Variants in CNTN4 observed in about 807,000 individuals in gnomAD.
The protein encoded by CNTN4 is contactin 4, also known as contactin-4.
In CNTN4, 77 loss-of-function variants were observed where a neutral mutation model predicts 122.5. The observed-to-expected ratio is 0.63, with a 90% CI of 0.52 to 0.76. The LOEUF is 0.76. Among genes scored for constraint, CNTN4 ranks in the 30% least tolerant of loss-of-function variants. The pLI is 0.00. For missense variants in CNTN4, 1,256 were observed against 1,259.1 expected (o/e 1.00, Z 0.04); for synonymous variants, 512 against 447.0 (o/e 1.15, Z -1.83).
intron 2 of CNTN4, among the ~76,000 whole-genome samples, chr3:2,322,401 C>T (rs1324709414): frequency 6.6e-6 from 1 of 152,050 alleles, no homozygotes; most frequent in Non-Finnish European, 1.5e-5. Flanking sequence ...AACATGGACG[C>T]ACCTTGAAAA....
chr3:2,489,473 A>T (rs1331585548), intron 3 of CNTN4, among the ~76,000 whole-genome samples: 2 of 152,188 alleles, frequency 1.3e-5, no homozygotes, highest in East Asian at 1.9e-4. Flanking sequence ...TCTTTGCCAT[A>T]TTAAACCAGA....
intron 14 of CNTN4, among the ~76,000 whole-genome samples, chr3:2,991,673 T>C (rs958552714): frequency 6.6e-6 from 1 of 152,078 alleles, no homozygotes; most frequent in Non-Finnish European, 1.5e-5. Flanking sequence ...AGAAATATAA[T>C]TTAAAAATCT....
chr3:3,009,980 C>T (rs1470880956), intron 14 of CNTN4, among the ~76,000 whole-genome samples: 1 of 151,066 alleles, frequency 6.6e-6, no homozygotes, highest in Admixed American at 6.6e-5. Flanking sequence ...ATATCTAGTA[C>T]CTAGTCTCAT....
intron 13 of CNTN4, among the ~76,000 whole-genome samples, chr3:2,960,789 A>G (rs1409995279): frequency 6.6e-6 from 1 of 152,116 alleles, no homozygotes; most frequent in Admixed American, 6.5e-5. Context: ...GTGCCTTCCC[A>G]CTTTCACTCT....
chr3:2,720,542 C>T (rs1256373356), intron 4 of CNTN4, among the ~76,000 whole-genome samples: 1 of 152,130 alleles, frequency 6.6e-6, no homozygotes, highest in Non-Finnish European at 1.5e-5. Context: ...CTTTATTACT[C>T]TCCTAGAGGC....
rs146787600 is a variant in CNTN4, at chr3:2,611,881, G to T, written c.55+40323G>T. Among the ~76,000 whole-genome samples the T allele has an allele frequency of 2.2e-3, 342 of 152,102 alleles. 3 individuals are homozygous for T. Among genetic ancestry groups the T allele is most frequent in the Middle Eastern group, 0.014 (4 of 294 alleles). The stretch of plus-strand genomic sequence containing the variant: ...GTTTTTAATCACTTTTTTAAATGTT[G>T]GATGAGTATTTCTTTTGATTGCAAT... On this transcript the variant is annotated intron_variant, in intron 4 of 24. Transcript: ENST00000418658.
At chr3:2,304,411 T>C (rs555333808) in intron 2 of CNTN4, among the ~76,000 whole-genome samples, 1 of 152,266 alleles carries the variant, frequency 6.6e-6, no homozygotes, top group East Asian at 1.9e-4. Context: ...TCTACACCAT[T>C]TACATTCTAT....
At chr3:3,037,423 G>C in intron 18 of CNTN4, 95 bp downstream of exon 18, 1 of 1,525,544 alleles carries the variant, frequency 6.6e-7, no homozygotes, top group Non-Finnish European at 9.1e-7. Context: ...CGCTCATGCG[G>C]CTCTGTGTTA....
intron 2 of CNTN4, among the ~76,000 whole-genome samples, chr3:2,233,436 A>G (rs781672457): frequency 4.6e-5 from 7 of 152,182 alleles, no homozygotes; most frequent in Non-Finnish European, 1.0e-4. Flanking sequence ...TATATTCTGC[A>G]TTCTCCGTTA....
At chr3:2,582,559 G>A (rs539800003) in intron 4 of CNTN4, among the ~76,000 whole-genome samples, 17 of 152,256 alleles carry the variant, frequency 1.1e-4, no homozygotes, top group African/African-American at 4.1e-4. Context: ...TTAGAGAAAA[G>A]GAATAAAGCA....
intron 3 of CNTN4, among the ~76,000 whole-genome samples, chr3:2,437,419 C>T (rs1176651469): frequency 1.4e-4 from 21 of 151,902 alleles, no homozygotes; most frequent in Non-Finnish European, 4.4e-5. Flanking sequence ...TTTTTACTGC[C>T]GTAAATGTGC....
chr3:3,052,626 C>T (rs9848578), intron 23 of CNTN4, among the ~76,000 whole-genome samples: 26,535 of 152,100 alleles, frequency 0.17, 2,622 homozygotes, highest in South Asian at 0.28. Context: ...AATCCAATCA[C>T]AGCAGGCAAT....
chr3:2,935,642 G>A (rs184632621), intron 13 of CNTN4, among the ~76,000 whole-genome samples: 5 of 152,110 alleles, frequency 3.3e-5, no homozygotes, highest in Non-Finnish European at 5.9e-5. Context: ...CATGTGTCAC[G>A]GAAAAGGGAC....
At chr3:2,877,350 A>G (rs550369263) in intron 8 of CNTN4, among the ~76,000 whole-genome samples, 2 of 152,328 alleles carry the variant, frequency 1.3e-5, no homozygotes, top group South Asian at 4.1e-4. Flanking sequence ...ACTTTGATAT[A>G]TGGAATTTCA....
intron 2 of CNTN4, among the ~76,000 whole-genome samples, chr3:2,300,376 G>T (rs2042460359): frequency 6.6e-6 from 1 of 152,036 alleles, no homozygotes; most frequent in Admixed American, 6.6e-5. Context: ...GGGGAGAATT[G>T]TTGGGAAAGC....
intron 2 of CNTN4, among the ~76,000 whole-genome samples, chr3:2,149,242 T>G (rs1341929457): frequency 1.3e-5 from 2 of 152,176 alleles, no homozygotes; most frequent in East Asian, 3.9e-4. Context: ...GTGCAAAGAC[T>G]GCTAATATTG....
Position 2,635,040 on chromosome 3 carries a change from A to G in CNTN4, c.55+63482A>G, listed in dbSNP as rs561747741. On this transcript the variant is annotated intron_variant, in intron 4 of 24. Coordinates refer to ENST00000418658, the MANE Select transcript of CNTN4 (RefSeq NM_175607.3). ...AACTAAATATAGATCAGCAAGACAG[A>G]TATCTCGGAACCATCTAGGGGAATT... 5.6e-4 allele frequency among the ~76,000 whole-genome samples: 86 copies of G among 152,300 alleles called. 1 individual carries two copies. The highest frequency in any genetic ancestry group is 2.1e-3 in the African/African-American group (86 of 41,554).
chr3:3,030,926 C>T lies in CNTN4; in HGVS notation c.1734C>T (p.Val578=). ...LKHAGKYVCM[V]QTSVDRLSAA... ...ATGCTGGGAAATATGTCTGCATGGT[C>T]CAAACAAGTGTGGACAGGCTATCTG... Residue 578 remains valine, a synonymous_variant, in exon 16 of 25, where the codon GTC becomes GTT. Transcript: ENST00000418658. 1 of 1,614,002 alleles carries T rather than the reference C, an allele frequency of 6.2e-7. No individual in the cohort carries two copies. The highest frequency in any genetic ancestry group is 8.5e-7 in the Non-Finnish European group (1 of 1,179,912).
intron 2 of CNTN4, among the ~76,000 whole-genome samples, chr3:2,310,778 G>C (rs530750621): frequency 6.6e-6 from 1 of 152,044 alleles, no homozygotes; most frequent in Non-Finnish European, 1.5e-5. Flanking sequence ...AAACTCACTC[G>C]TTCTGTGCTC....
Sources: allele counts gnomAD v4.1 joint callset (sites outside exome capture counted in the v4.1 genomes callset), GRCh38; gene constraint gnomAD v4.1.1; transcripts MANE v1.5; gene names NCBI Gene and HGNC (gene_info 2026-07-23, HGNC 2026-07-21).